VPS13C: variants seen among roughly 807,000 people sequenced by gnomAD.
VPS13C encodes intermembrane lipid transfer protein VPS13C.
Under a neutral mutation model 456.8 loss-of-function variants are expected in VPS13C, and 358 were observed. That is an observed-to-expected ratio of 0.78 (90% CI 0.72 to 0.86). The LOEUF (loss-of-function observed/expected upper bound fraction) is 0.86, where lower values mean the gene tolerates loss of function less well. VPS13C is among the 40% of genes least tolerant of loss of function. The probability of loss-of-function intolerance (pLI) is 0.00; values close to 1 mark genes in which losing one functional copy is unlikely to be tolerated. For missense variants in VPS13C, 4,818 were observed against 4,385.4 expected, an observed-to-expected ratio of 1.10 and a Z score of -2.79; for synonymous variants, 1,578 against 1,486.7, an observed-to-expected ratio of 1.06 and a Z score of -1.41.
At chr15:61,988,725 A>T (rs1341389048) in intron 18 of VPS13C, among the ~76,000 whole-genome samples, 1 of 152,210 alleles carries the variant, frequency 6.6e-6, no homozygotes, top group African/African-American at 2.4e-5. Flanking sequence ...ACACAATACT[A>T]CAAAGACAGA....
At chr15:61,972,529 AT>A (rs2045586837) in intron 27 of VPS13C, 95 bp downstream of exon 27, 1 of 1,382,086 alleles carries the variant, frequency 7.2e-7, no homozygotes, top group Non-Finnish European at 9.9e-7. Context: ...AGAGTACCAC[AT>A]TTTTAATATA....
chr15:61,909,403 T>C (rs544171903), intron 64 of VPS13C, among the ~76,000 whole-genome samples: 1 of 152,278 alleles, frequency 6.6e-6, no homozygotes, highest in Non-Finnish European at 1.5e-5. Context: ...GAGATGGGGT[T>C]TCACCATATT....
chr15:62,028,996 C>T (rs1046063999), intron 5 of VPS13C, among the ~76,000 whole-genome samples: 2 of 152,000 alleles, frequency 1.3e-5, no homozygotes, highest in African/African-American at 2.4e-5. Flanking sequence ...TAACTCTGAT[C>T]ATGTCATTCT....
At chr15:61,877,177 T>C in intron 74 of VPS13C, 123 bp from the exon 75 acceptor site, 1 of 606,814 alleles carries the variant, frequency 1.6e-6, no homozygotes, top group Non-Finnish European at 2.8e-6. Context: ...CTTCGTACAT[T>C]TACCACATAC....
At chr15:61,947,627 T>C (rs1399248372) in intron 42 of VPS13C, among the ~76,000 whole-genome samples, 6 of 152,160 alleles carry the variant, frequency 3.9e-5, no homozygotes, top group Admixed American at 1.3e-4. Flanking sequence ...ATTAGAACTC[T>C]AGAATTCTCT....
chr15:62,009,183 CA>C (rs1472488770), intron 13 of VPS13C, among the ~76,000 whole-genome samples: 1 of 152,086 alleles, frequency 6.6e-6, no homozygotes, highest in African/African-American at 2.4e-5. Context: ...ATCATTTCAG[CA>C]GTAGCTGTCT....
In VPS13C at chr15:61,919,366, T is replaced by C. The variant is rs769177097; in HGVS notation, c.7561A>G (p.Ser2521Gly). 1.9e-6 allele frequency: 3 copies of C among 1,605,208 alleles called. No homozygotes were observed. Among genetic ancestry groups the C allele is most frequent in the Non-Finnish European group, 2.6e-6 (3 of 1,176,334 alleles). The change falls in exon 58 of 85, where the codon AGT becomes GGT. Residue 2521 changes from serine (S) to glycine (G), a missense_variant. This residue lies in a region of VPS13C where 4,552 missense variants were observed against 4,130.6 expected (regional missense o/e 1.10). Transcript: ENST00000644861. ...RLYNVRNPNA[S>G]HSDSVLVQID... The stretch of plus-strand genomic sequence containing the variant: ...TGTACCAAGACAGAGTCAGAATGAC[T>C]GGCATTGGGATTCCGTACATTATAC...
Position 61,936,744 on chromosome 15 carries a change from G to A in VPS13C, c.5608C>T (p.Leu1870Phe). Residue 1870 changes from leucine (L) to phenylalanine (F), a missense_variant, in exon 48 of 85, where the codon CTC (leucine) becomes TTC (phenylalanine). This residue lies in a region of VPS13C where 4,552 missense variants were observed against 4,130.6 expected (regional missense o/e 1.10). Transcript: ENST00000644861. ...KGKLKPMQVA[L>F]SEDDLTVLMK... ...AAAACTGTCAAGTCATCTTCACTGA[G>A]AGCAACCTAGAAACCACCAATAATT... The A allele has an allele frequency of 1.2e-6, 2 of 1,607,264 alleles. No individual in the cohort carries two copies. The highest frequency in any genetic ancestry group is 1.7e-6 in the Non-Finnish European group (2 of 1,177,794).
intron 16 of VPS13C, among the ~76,000 whole-genome samples, chr15:61,996,540 G>C (rs949007242): frequency 6.6e-6 from 1 of 152,024 alleles, no homozygotes; most frequent in Non-Finnish European, 1.5e-5. Context: ...CCAGTAATCA[G>C]ATAACTTCGA....
intron 83 of VPS13C, 107 bp from the exon 84 acceptor site, chr15:61,855,061 G>A: frequency 1.2e-6 from 1 of 857,820 alleles, no homozygotes; most frequent in Non-Finnish European, 1.8e-6. Flanking sequence ...TAACAAGTAG[G>A]CTAACCAAAT....
At chr15:62,045,838 T>C (rs918657051) in intron 1 of VPS13C, among the ~76,000 whole-genome samples, 1 of 152,034 alleles carries the variant, frequency 6.6e-6, no homozygotes, top group East Asian at 1.9e-4. Flanking sequence ...TCACAATACA[T>C]CTGTATTATA....
intron 18 of VPS13C, among the ~76,000 whole-genome samples, chr15:61,985,866 A>C (rs2046034072): frequency 6.6e-6 from 1 of 152,122 alleles, no homozygotes; most frequent in Admixed American, 6.6e-5. Context: ...GGGACAGCCT[A>C]GAGGCTGTGA....
chr15:61,970,670 G>C (rs1442148126), intron 27 of VPS13C, among the ~76,000 whole-genome samples: 2 of 151,960 alleles, frequency 1.3e-5, no homozygotes, highest in Non-Finnish European at 2.9e-5. Flanking sequence ...GGTGGTATGT[G>C]CCTGTAATCT....
intron 67 of VPS13C, among the ~76,000 whole-genome samples, chr15:61,885,281 A>T (rs1248716373): frequency 6.6e-6 from 1 of 152,128 alleles, no homozygotes; most frequent in Non-Finnish European, 1.5e-5. Flanking sequence ...GAAATTCATT[A>T]AAAAACATCA....
chr15:61,854,534 C>A lies in VPS13C; in HGVS notation c.11185G>T (p.Ala3729Ser). 6.2e-7 allele frequency: 1 copy of A among 1,614,076 alleles called. No individual in the cohort carries two copies. Among genetic ancestry groups the A allele is most frequent in the Middle Eastern group, 1.6e-4 (1 of 6,062 alleles). Residue 3729 changes from alanine to serine, a missense_variant, in exon 85 of 85, where the codon GCA (alanine) becomes TCA (serine). Ala to Ser is a moderately conservative substitution (Grantham distance 99, BLOSUM62 1). This residue lies in a region of VPS13C where 261 missense variants were observed against 234.1 expected (regional missense o/e 1.11). Coordinates refer to ENST00000644861, the MANE Select transcript of VPS13C (RefSeq NM_020821.3). ...TTTTGCTGCTGTCTCGTTGACTGTG[C>A]ATCCTCAATGGCATTACATGCTCTC... ...AERACNAIED[A>S]QSTRQQQKLM...
intron 16 of VPS13C, among the ~76,000 whole-genome samples, chr15:61,996,767 G>C (rs2046395711): frequency 6.6e-6 from 1 of 150,716 alleles, no homozygotes; most frequent in Non-Finnish European, 1.5e-5. Context: ...ACAGAAGAAA[G>C]ACAGAACTTG....
chr15:62,016,217 G>C (rs1012652443), intron 9 of VPS13C, among the ~76,000 whole-genome samples: 1 of 150,892 alleles, frequency 6.6e-6, no homozygotes, highest in African/African-American at 2.4e-5. Flanking sequence ...GTAGTCATAA[G>C]GCAAACTTGT....
intron 62 of VPS13C, among the ~76,000 whole-genome samples, chr15:61,912,235 C>T (rs963987369): frequency 1.3e-4 from 20 of 152,160 alleles, no homozygotes; most frequent in Admixed American, 3.3e-4. Flanking sequence ...ATTTAACTAA[C>T]GACTTACAAT....
intron 77 of VPS13C, 94 bp from the exon 78 acceptor site, chr15:61,873,503 C>A: frequency 1.6e-6 from 2 of 1,222,892 alleles, no homozygotes; most frequent in Non-Finnish European, 2.3e-6. Context: ...TTAAAATAGG[C>A]AAACGATCTG....
Sources: allele counts gnomAD v4.1 joint callset (sites outside exome capture counted in the v4.1 genomes callset), GRCh38; gene constraint gnomAD v4.1.1; regional missense constraint gnomAD v4.1.1; transcripts MANE v1.5; gene names NCBI Gene and HGNC (gene_info 2026-07-23, HGNC 2026-07-21).